NLGN1: variants seen among roughly 807,000 people sequenced by gnomAD.
The protein encoded by NLGN1 is neuroligin 1.
A neutral mutation model predicts 65.5 loss-of-function variants in NLGN1; 12 were observed. The ratio of observed to expected loss-of-function variants is 0.18; its 90% CI spans 0.12 to 0.30. The LOEUF (loss-of-function observed/expected upper bound fraction) is 0.30. Ranked by LOEUF, NLGN1 falls within the 10% of genes least tolerant of loss-of-function variation. The pLI is 1.00. For missense variants in NLGN1, 750 were observed against 1,007.1 expected (o/e 0.74, Z 3.46); for synonymous variants, 350 against 359.5 (o/e 0.97, Z 0.30).
intron 4 of NLGN1, among the ~76,000 whole-genome samples, chr3:173,971,481 TA>T (rs1482593759): frequency 6.6e-6 from 1 of 152,102 alleles, no homozygotes; most frequent in Non-Finnish European, 1.5e-5. Flanking sequence ...TTTTTAGTTT[TA>T]ATCTGAGCAT....
At chr3:173,890,466 C>T (rs891056004) in intron 4 of NLGN1, among the ~76,000 whole-genome samples, 5 of 152,228 alleles carry the variant, frequency 3.3e-5, no homozygotes, top group East Asian at 3.9e-4. Context: ...GCATTAGCAT[C>T]GAGCACAAAA....
At chr3:173,800,240 A>G (rs185178583) in intron 3 of NLGN1, 22 of 611,940 alleles carry the variant, frequency 3.6e-5, no homozygotes, top group African/African-American at 2.9e-4. Context: ...AGTCTTGTTT[A>G]TTCTTGAATT....
intron 4 of NLGN1, among the ~76,000 whole-genome samples, chr3:173,930,170 G>A (rs1452559202): frequency 6.6e-6 from 1 of 152,036 alleles, no homozygotes; most frequent in Non-Finnish European, 1.5e-5. Context: ...GTTTTAGCTT[G>A]GAAATTCCGT....
At chr3:173,559,847 TTC>T (rs1311397445) in intron 2 of NLGN1, among the ~76,000 whole-genome samples, 17 of 152,176 alleles carry the variant, frequency 1.1e-4, no homozygotes, top group African/African-American at 3.9e-4. Flanking sequence ...ATAAACGATT[TTC>T]TGTCATGAAG....
At chr3:173,421,803 G>C (rs1161497771) in intron 1 of NLGN1, among the ~76,000 whole-genome samples, 2 of 152,070 alleles carry the variant, frequency 1.3e-5, no homozygotes, top group Non-Finnish European at 2.9e-5. Flanking sequence ...TTATAGACAT[G>C]AGCTACCACA....
intron 1 of NLGN1, among the ~76,000 whole-genome samples, chr3:173,415,198 G>A (rs1490367261): frequency 6.6e-6 from 1 of 152,198 alleles, no homozygotes; most frequent in Non-Finnish European, 1.5e-5. Context: ...TCAGTTGTAT[G>A]TGGTTAAATT....
chr3:173,907,121 T>C (rs1162881099), intron 4 of NLGN1, among the ~76,000 whole-genome samples: 1 of 152,150 alleles, frequency 6.6e-6, no homozygotes, highest in African/African-American at 2.4e-5. Context: ...CCACATCTTA[T>C]TGTTGCTGGT....
chr3:174,260,000 C>A (rs1468396439), intron 4 of NLGN1, among the ~76,000 whole-genome samples: 1 of 152,090 alleles, frequency 6.6e-6, no homozygotes. Flanking sequence ...CATGTCCCTA[C>A]AAAGGACAAG....
chr3:173,961,699 T>A (rs1202559509), intron 4 of NLGN1, among the ~76,000 whole-genome samples: 1 of 152,092 alleles, frequency 6.6e-6, no homozygotes, highest in Non-Finnish European at 1.5e-5. Flanking sequence ...GGTGCCCTTA[T>A]GCAAATGAGG....
chr3:173,830,138 T>G (rs6445119), intron 4 of NLGN1, among the ~76,000 whole-genome samples: 129,231 of 152,068 alleles, frequency 0.85, 55,779 homozygotes, highest in African/African-American at 0.93. Context: ...AATATAGCAA[T>G]CTATGCACAC....
At chr3:173,396,075 C>T (rs1342102428), upstream of NLGN1, among the ~76,000 whole-genome samples, 2 of 151,922 alleles carry the variant, frequency 1.3e-5, no homozygotes, top group Non-Finnish European at 2.9e-5. Context: ...GCGGCGGCGG[C>T]GGCGGCGGGG....
At chr3:174,066,652 T>C (rs1175894867) in intron 4 of NLGN1, among the ~76,000 whole-genome samples, 2 of 151,628 alleles carry the variant, frequency 1.3e-5, no homozygotes. Flanking sequence ...AGTAAACCAG[T>C]GTGTTATCAA....
At chr3:174,019,348 A>G (rs1009962235) in intron 4 of NLGN1, among the ~76,000 whole-genome samples, 6 of 152,148 alleles carry the variant, frequency 3.9e-5, no homozygotes, top group African/African-American at 1.4e-4. Context: ...TGGTGGCTTT[A>G]TAAGAAGAGG....
intron 4 of NLGN1, among the ~76,000 whole-genome samples, chr3:174,028,710 A>C (rs2152469410): frequency 6.6e-6 from 1 of 152,360 alleles, no homozygotes; most frequent in South Asian, 2.1e-4. Flanking sequence ...CCATTTTCTG[A>C]GAAGAAATTC....
intron 4 of NLGN1, among the ~76,000 whole-genome samples, chr3:174,240,250 A>G (rs1005114055): frequency 1.3e-5 from 2 of 152,154 alleles, no homozygotes; most frequent in African/African-American, 4.8e-5. Context: ...CTTGTAATAT[A>G]GAAGAAAAAA....
intron 3 of NLGN1, among the ~76,000 whole-genome samples, chr3:173,689,540 C>T (rs775099679): frequency 2.0e-5 from 3 of 152,124 alleles, no homozygotes; most frequent in Admixed American, 6.6e-5. Context: ...CAGTCTTTTC[C>T]TGTAGGCACT....
At chr3:174,211,366 A>G (rs1442189332) in intron 4 of NLGN1, among the ~76,000 whole-genome samples, 1 of 152,076 alleles carries the variant, frequency 6.6e-6, no homozygotes, top group African/African-American at 2.4e-5. Flanking sequence ...CTAGGCGCAA[A>G]GGTTCTCCAG....
At chr3:174,278,918 G>A (rs748602506) in exon 6 of NLGN1, 2 of 1,518,030 alleles carry the variant, frequency 1.3e-6, no homozygotes, top group East Asian at 4.5e-5. Context: ...TGGGCTGTTA[G>A]TTTTCAACCT....
At chr3:174,058,052 G>A (rs1736565663) in intron 4 of NLGN1, among the ~76,000 whole-genome samples, 1 of 152,080 alleles carries the variant, frequency 6.6e-6, no homozygotes, top group African/African-American at 2.4e-5. Flanking sequence ...TCAGTGAAGT[G>A]ACTGTTGAAA....
Sources: allele counts gnomAD v4.1 joint callset (sites outside exome capture counted in the v4.1 genomes callset), GRCh38; gene constraint gnomAD v4.1.1; transcripts MANE v1.5; gene names NCBI Gene and HGNC (gene_info 2026-07-23, HGNC 2026-07-21).